The following PLP1 variants were observed in gnomAD, a reference collection of about 807,000 sequenced individuals.
PLP1 encodes proteolipid protein 1, also known as myelin proteolipid protein.
In PLP1, 2 loss-of-function variants were observed where a neutral mutation model predicts 18.5. The observed-to-expected ratio is 0.11, with a 90% CI of 0.04 to 0.34. The LOEUF (loss-of-function observed/expected upper bound fraction) is 0.34, where lower values mean the gene tolerates loss of function less well. Among genes scored for constraint, PLP1 ranks in the 10% least tolerant of loss-of-function variants. The pLI is 1.00. For synonymous variants in PLP1, 86 were observed against 83.2 expected, an observed-to-expected ratio of 1.03 and a Z score of -0.19; for missense variants, 105 against 207.3, an observed-to-expected ratio of 0.51 and a Z score of 3.03.
rs1322673200 is a variant in PLP1, at chrX:103,791,772, A to G, written c.*1174A>G. The G allele has an allele frequency of 8.9e-6, 1 of 112,933 alleles. No homozygotes were observed. The highest frequency in any genetic ancestry group is 1.9e-5 in the Non-Finnish European group (1 of 53,347). The allele number at this position is 112,933 out of a possible 1,213,427, so 9.3% of individuals were successfully genotyped here. ...TTTTAAACTAGGAAAATTGGACATT[A>G]AGCATCACAAATGATATTAAAAATT... On this transcript the variant is annotated 3_prime_UTR_variant, in exon 7 of 7. Transcript: ENST00000621218.
chrX:103,776,915 C>T lies in PLP1; in HGVS notation c.-81C>T. 1.1e-6 allele frequency: 1 copy of T among 947,804 alleles called. No homozygotes were observed. 78.1% of individuals were successfully genotyped at this position (947,804 alleles called of 1,213,427 possible). A position where few individuals can be genotyped will look rare whatever the true frequency, so the allele number is the denominator to read the frequency against. On this transcript the variant is annotated 5_prime_UTR_variant, in exon 1 of 7. Transcript: ENST00000621218. Reference sequence around the variant, plus strand: ...AGACCGAAGAAGGAGGCTGGAGAGACCAGGATCCTTCCAGCTGAACAAAGT... The same window carrying T: ...AGACCGAAGAAGGAGGCTGGAGAGATCAGGATCCTTCCAGCTGAACAAAGT...
intron 2 of PLP1, chrX:103,786,118 T>A: frequency 9.2e-7 from 1 of 1,088,158 alleles, no homozygotes; most frequent in East Asian, 4.0e-5. Flanking sequence ...CTAGAACAAG[T>A]TAGGCTCCTG....
chrX:103,788,865 A>C (rs191826919), intron 5 of PLP1: 1 of 289,232 alleles, frequency 3.5e-6, no homozygotes, highest in East Asian at 7.2e-5. Flanking sequence ...AGGCATTCAT[A>C]GGTTTTATGA....
In PLP1 at chrX:103,785,078, C is replaced by CT. The variant is rs1309583459; in HGVS notation, c.5-493dup. Among the ~76,000 whole-genome samples, 213 of 105,878 alleles carry CT rather than the reference C, an allele frequency of 2.0e-3. 2 individuals carry two copies. In the East Asian group the frequency reaches 0.021, roughly 10 times the overall value. The allele number at this position is 105,878 out of a possible 115,157, so 91.9% of individuals were successfully genotyped here. ...AGGTAAGGATTTATTTTCTTTCTTT[C>CT]TTTTTTTTTTTCTTGAGACAGAGTC... On this transcript the variant is annotated intron_variant, in intron 1 of 6. Transcript: ENST00000621218.
chrX:103,780,433 C>CTGTGTGTGTG (rs1410759465), intron 1 of PLP1, among the ~76,000 whole-genome samples: 2 of 26,595 alleles, frequency 7.5e-5, no homozygotes, highest in Admixed American at 4.2e-4. Flanking sequence ...TTCATTCTGT[C>CTGTGTGTGTG]TCTCTCTGTG....
At position 103,790,812 on chromosome X, in the gene PLP1, G is replaced by C; in HGVS notation, c.*214G>C. 1 of 433,786 alleles carries C rather than the reference G, an allele frequency of 2.3e-6. No individual in the cohort carries two copies. The highest frequency in any genetic ancestry group is 3.5e-5 in the South Asian group (1 of 28,429). 35.7% of individuals were successfully genotyped at this position (433,786 alleles called of 1,213,427 possible). On this transcript the variant is annotated 3_prime_UTR_variant, in exon 7 of 7. Transcript: ENST00000621218. ...CTTTTAGTCATTTTGCTTCATAGCT[G>C]GTTCCTGCTAGAAATGGGAAATGCC...
At chrX:103,785,342 G>A (rs2074485718) in intron 1 of PLP1, among the ~76,000 whole-genome samples, 2 of 112,642 alleles carry the variant, frequency 1.8e-5, no homozygotes, top group African/African-American at 6.4e-5. Flanking sequence ...CTCCCAAAGT[G>A]CTGGGATTAC....
At chrX:103,785,846 C>A in intron 2 of PLP1, 78 bp downstream of exon 2, 1 of 921,133 alleles carries the variant, frequency 1.1e-6, no homozygotes, top group Non-Finnish European at 1.6e-6. Context: ...TCTTCAGTAC[C>A]TTAGTAACTA....
rs765696751 is a variant in PLP1, at chrX:103,776,963, G to A, written c.-33G>A. ...AGTCAGCCACAAAGCAGACTAGCCAGCCGGCTACAATTGGAGTCAGAGTCC... is the reference window on the plus strand; with the variant it reads ...AGTCAGCCACAAAGCAGACTAGCCAACCGGCTACAATTGGAGTCAGAGTCC... On this transcript the variant is annotated 5_prime_UTR_variant, in exon 1 of 7. Coordinates refer to ENST00000621218, the MANE Select transcript of PLP1 (RefSeq NM_000533.5). 39 of 1,198,872 alleles carry A rather than the reference G, an allele frequency of 3.3e-5. No homozygotes were observed. The highest frequency in any genetic ancestry group is 4.3e-5 in the Non-Finnish European group (38 of 885,393).
chrX:103,790,949 G>A lies in PLP1; in HGVS notation c.*351G>A. 2 of 263,088 alleles carry A rather than the reference G, an allele frequency of 7.6e-6. No individual in the cohort carries two copies. Among genetic ancestry groups the A allele is most frequent in the Non-Finnish European group, 1.4e-5 (2 of 146,590 alleles). The allele number at this position is 263,088 out of a possible 1,213,427, so 21.7% of individuals were successfully genotyped here. A position where few individuals can be genotyped will look rare whatever the true frequency, so the allele number is the denominator to read the frequency against. On this transcript the variant is annotated 3_prime_UTR_variant, in exon 7 of 7. Transcript: ENST00000621218. ...TTTCTTCTCAAAGGGTACTTCCACT[G>A]ATGGAAACAAAGTGGAAGGAAAGAT... is the stretch of plus-strand genomic sequence containing the variant.
At chrX:103,786,262 G>A (rs1351761841) in intron 2 of PLP1, 1 of 1,119,750 alleles carries the variant, frequency 8.9e-7, no homozygotes, top group Non-Finnish European at 1.2e-6. Context: ...AGGGGCATAT[G>A]TTTCTGGTCA....
chrX:103,777,643 C>T (rs1446620455), intron 1 of PLP1, among the ~76,000 whole-genome samples: 7 of 112,053 alleles, frequency 6.2e-5, no homozygotes, highest in Non-Finnish European at 1.3e-4. Context: ...ATATCACAGA[C>T]ACAGCTTTCC....
At chrX:103,783,664 A>C (rs1377139377) in intron 1 of PLP1, among the ~76,000 whole-genome samples, 2 of 112,144 alleles carry the variant, frequency 1.8e-5, no homozygotes, top group African/African-American at 6.5e-5. Flanking sequence ...CTAGGTATTC[A>C]TGCTCTCTGG....
chrX:103,785,567 C>T lies in PLP1; in HGVS notation c.5-15C>T, dbSNP rs771033188. On this transcript the variant is annotated splice_polypyrimidine_tract_variant and intron_variant, in intron 1 of 6. Transcript: ENST00000621218. ...TACTGGATGTGCCTGACTGTTTCCC[C>T]TTCTTCTTCCCCAGGCTTGTTAGAG... 2 of 1,204,063 alleles carry T rather than the reference C, an allele frequency of 1.7e-6. No individual in the cohort carries two copies. Among genetic ancestry groups the T allele is most frequent in the Non-Finnish European group, 2.2e-6 (2 of 889,136 alleles).
At chrX:103,782,879 G>T (rs2858184) in intron 1 of PLP1, among the ~76,000 whole-genome samples, 30 of 112,210 alleles carry the variant, frequency 2.7e-4, no homozygotes, top group Admixed American at 2.4e-3. Context: ...TTGTCCGGGG[G>T]AGCTATGGAG....
intron 1 of PLP1, among the ~76,000 whole-genome samples, chrX:103,782,185 C>T (rs2074459204): frequency 8.9e-6 from 1 of 112,332 alleles, no homozygotes; most frequent in Admixed American, 9.4e-5. Context: ...CCAAAGCAAA[C>T]ATTTCATCTA....
chrX:103,789,157 T>C lies in PLP1; in HGVS notation c.697-176T>C, dbSNP rs2294153. The C allele has an allele frequency of 2.8e-4, 140 of 496,729 alleles. No homozygotes were observed. In the East Asian group the frequency reaches 5.1e-3, roughly 18 times the overall value. The allele number at this position is 496,729 out of a possible 1,213,427, so 40.9% of individuals were successfully genotyped here. A position where few individuals can be genotyped will look rare whatever the true frequency, so the allele number is the denominator to read the frequency against. Reference sequence around the variant, plus strand: ...CTGGGTGTTAATGGGCCAGGTGCTATGGTGTACACTGAAGACTGGGAGGCC... The same window carrying C: ...CTGGGTGTTAATGGGCCAGGTGCTACGGTGTACACTGAAGACTGGGAGGCC... On this transcript the variant is annotated intron_variant, in intron 5 of 6. Coordinates refer to ENST00000621218, the MANE Select transcript of PLP1 (RefSeq NM_000533.5).
At chrX:103,777,259 G>T (rs1289499742) in intron 1 of PLP1, among the ~76,000 whole-genome samples, 2 of 111,543 alleles carry the variant, frequency 1.8e-5, no homozygotes, top group African/African-American at 6.5e-5. Flanking sequence ...GGATGGATGT[G>T]GTCATGTGTC....
intron 4 of PLP1, 148 bp downstream of exon 4, chrX:103,788,114 C>T (rs1331835393): frequency 1.8e-6 from 1 of 556,888 alleles, no homozygotes; most frequent in East Asian, 3.6e-5. Flanking sequence ...TCCTTCCCTA[C>T]TGAAACCAGA....
Sources: gnomAD v4.1 joint callset for allele counts (sites outside exome capture counted in the v4.1 genomes callset) on GRCh38, gnomAD v4.1.1 for gene constraint, MANE v1.5 for transcripts, NCBI Gene and HGNC (gene_info 2026-07-23, HGNC 2026-07-21) for gene names.